FGGY: variants seen among roughly 807,000 people sequenced by gnomAD.
FGGY encodes the protein FGGY carbohydrate kinase domain containing, also known as FGGY carbohydrate kinase domain-containing protein.
FGGY carries 72 observed loss-of-function variants against 71.3 expected under a neutral mutation model. That is an observed-to-expected ratio of 1.01 (90% CI 0.84 to 1.23). FGGY has a LOEUF of 1.23. Among genes scored for constraint, FGGY ranks in the 50% most tolerant of loss-of-function variants. The probability of loss-of-function intolerance (pLI) is 0.00; values close to 1 mark genes in which losing one functional copy is unlikely to be tolerated. For missense variants in FGGY, 668 were observed against 682.3 expected (o/e 0.98, Z 0.23); for synonymous variants, 251 against 250.3 (o/e 1.00, Z -0.02).
At chr1:59,471,504 C>T (rs1224684414) in intron 6 of FGGY, among the ~76,000 whole-genome samples, 1 of 152,224 alleles carries the variant, frequency 6.6e-6, no homozygotes, top group Non-Finnish European at 1.5e-5. Context: ...TTATCCTTCT[C>T]TTCCCTGTCT....
intron 14 of FGGY, among the ~76,000 whole-genome samples, chr1:59,711,164 C>T (rs1464774522): frequency 6.6e-6 from 1 of 151,972 alleles, no homozygotes; most frequent in East Asian, 1.9e-4. Flanking sequence ...AACTGAAAAC[C>T]ATCATTCTCA....
At chr1:59,366,939 G>C (rs765983244) in intron 4 of FGGY, among the ~76,000 whole-genome samples, 1 of 152,134 alleles carries the variant, frequency 6.6e-6, no homozygotes, top group Non-Finnish European at 1.5e-5. Context: ...ATGCATTTGG[G>C]AAAGTAAAAG....
At position 59,693,122 on chromosome 1, in the gene FGGY, A is replaced by G. The variant is rs920586212; in HGVS notation, c.1512+18989A>G. On this transcript the variant is annotated intron_variant, in intron 14 of 15. Transcript: ENST00000303721. ...GTGTAAGCATCGTCAGAAGGTTTAA[A>G]TGGAATAAAAGATGTGGAAGTGCTT... Among the ~76,000 whole-genome samples, 8 of 152,258 alleles carry G rather than the reference A, an allele frequency of 5.3e-5. No individual in the cohort carries two copies. The East Asian group carries it at 7.7e-4, about 15-fold the overall frequency.
In FGGY at chr1:59,528,770, C is replaced by T. The variant is rs934072363; in HGVS notation, c.799+16331C>T. Among the ~76,000 whole-genome samples, 8 of 152,112 alleles carry T rather than the reference C, an allele frequency of 5.3e-5. No individual in the cohort carries two copies. In the East Asian group the frequency reaches 1.3e-3, roughly 26 times the overall value. On this transcript the variant is annotated intron_variant, in intron 7 of 15. Transcript: ENST00000303721. ...ATGCCTTCTGGATTGAGGCCTCTCA[C>T]AGCTCAAAGTTGTAAAGAAAAACCC...
At chr1:59,493,130 C>CACACAAAA (rs3220800) in intron 6 of FGGY, among the ~76,000 whole-genome samples, 34 of 150,274 alleles carry the variant, frequency 2.3e-4, no homozygotes, top group African/African-American at 3.5e-4. Flanking sequence ...CACACACACA[C>CACACAAAA]AAAACAGAAA....
At chr1:59,498,271 C>T (rs1402038011) in intron 6 of FGGY, among the ~76,000 whole-genome samples, 4 of 152,148 alleles carry the variant, frequency 2.6e-5, no homozygotes, top group African/African-American at 9.7e-5. Flanking sequence ...AGTCATTCAA[C>T]TCAGAAGAGA....
intron 7 of FGGY, among the ~76,000 whole-genome samples, chr1:59,513,854 C>T (rs2094574795): frequency 6.6e-6 from 1 of 152,198 alleles, no homozygotes; most frequent in African/African-American, 2.4e-5. Flanking sequence ...GTGCCTTGTT[C>T]TACATACTAC....
chr1:59,330,684 A>G (rs149097807), intron 2 of FGGY, among the ~76,000 whole-genome samples: 8 of 152,320 alleles, frequency 5.3e-5, no homozygotes, highest in Non-Finnish European at 1.0e-4. Flanking sequence ...AGAGAAGACA[A>G]TTGGAACTGG....
intron 9 of FGGY, among the ~76,000 whole-genome samples, chr1:59,614,390 AC>A (rs1315568491): frequency 3.3e-5 from 5 of 152,244 alleles, no homozygotes; most frequent in Non-Finnish European, 7.3e-5. Flanking sequence ...AGAACCAACG[AC>A]AAAAACCACA....
In FGGY at chr1:59,665,292, G is replaced by A. The variant is rs560821770; in HGVS notation, c.1297-1991G>A. 4.6e-5 allele frequency among the ~76,000 whole-genome samples: 7 copies of A among 152,220 alleles called. No individual in the cohort carries two copies. In the South Asian group the frequency reaches 1.4e-3, roughly 32 times the overall value. On this transcript the variant is annotated intron_variant, in intron 12 of 15. Coordinates refer to ENST00000303721, the MANE Select transcript of FGGY (RefSeq NM_018291.5). ...CAGCCCTAGTTAGTATGTAGGATCT[G>A]GCCTTATATGGCACAACATGTTTGA...
At chr1:59,362,826 AC>A (rs1336859387) in intron 4 of FGGY, among the ~76,000 whole-genome samples, 1 of 152,196 alleles carries the variant, frequency 6.6e-6, no homozygotes, top group Non-Finnish European at 1.5e-5. Flanking sequence ...TCTTTGTTCC[AC>A]CTAGCCAGTA....
chr1:59,756,061 G>A (rs574436154), intron 14 of FGGY: 5 of 152,314 alleles, frequency 3.3e-5, no homozygotes, highest in Admixed American at 6.5e-5. Context: ...AAACTGTTCT[G>A]GGGTAAGCAG....
chr1:59,461,084 G>A (rs1172136476), intron 6 of FGGY, among the ~76,000 whole-genome samples: 1 of 152,218 alleles, frequency 6.6e-6, no homozygotes, highest in East Asian at 1.9e-4. Context: ...CGAGTTGACA[G>A]AAGTAGGCTT....
intron 5 of FGGY, among the ~76,000 whole-genome samples, chr1:59,392,464 A>T (rs79789895): frequency 0.027 from 4,044 of 152,164 alleles, 187 homozygotes; most frequent in African/African-American, 0.093. Context: ...GACTTTTCTC[A>T]TCTGCAAAAT....
chr1:59,340,279 A>T (rs77381762), intron 3 of FGGY, among the ~76,000 whole-genome samples: 3,468 of 152,266 alleles, frequency 0.023, 150 homozygotes, highest in African/African-American at 0.08. Flanking sequence ...TAGGGGGACT[A>T]GGCTTTCTAA....
chr1:59,568,473 G>T (rs1396027588), intron 8 of FGGY, among the ~76,000 whole-genome samples: 6 of 142,108 alleles, frequency 4.2e-5, no homozygotes, highest in South Asian at 2.5e-4. Flanking sequence ...GCGGGGGGGG[G>T]TGTTCTTATT....
intron 9 of FGGY, among the ~76,000 whole-genome samples, chr1:59,623,880 C>T (rs913007239): frequency 2.6e-5 from 4 of 152,172 alleles, no homozygotes; most frequent in African/African-American, 9.7e-5. Context: ...ACCACACATG[C>T]TAGGTTCTAG....
intron 14 of FGGY, among the ~76,000 whole-genome samples, chr1:59,719,976 C>T (rs1469803510): frequency 6.6e-6 from 1 of 152,114 alleles, no homozygotes; most frequent in Non-Finnish European, 1.5e-5. Flanking sequence ...TAGTAGAATG[C>T]CTTTATATAA....
At chr1:59,720,846 C>G (rs184008878) in intron 14 of FGGY, among the ~76,000 whole-genome samples, 1 of 152,152 alleles carries the variant, frequency 6.6e-6, no homozygotes, top group Admixed American at 6.5e-5. Flanking sequence ...TTTTCAGGAC[C>G]TGCAAAGCCC....
Sources: allele counts gnomAD v4.1 joint callset (sites outside exome capture counted in the v4.1 genomes callset), GRCh38; gene constraint gnomAD v4.1.1; transcripts MANE v1.5; gene names NCBI Gene and HGNC (gene_info 2026-07-23, HGNC 2026-07-21).